The following CSMD3 variants were observed in gnomAD, a reference collection of about 807,000 sequenced individuals.
The protein encoded by CSMD3 is CUB and sushi domain-containing protein 3.
CSMD3 carries 177 observed loss-of-function variants against 435.2 expected under a neutral mutation model. The ratio of observed to expected loss-of-function variants is 0.41; its 90% confidence interval spans 0.36 to 0.46. The LOEUF (loss-of-function observed/expected upper bound fraction) is 0.46. CSMD3 is among the 20% of genes least tolerant of loss of function. The pLI, the probability that CSMD3 is intolerant of heterozygous loss-of-function variation, is 0.34. For synonymous variants in CSMD3, 1,656 were observed against 1,520.5 expected (o/e 1.09, Z -2.07); for missense variants, 4,265 against 4,504.6 (o/e 0.95, Z 1.52).
chr8:112,747,277 T>G (rs1028514263), intron 13 of CSMD3, among the ~76,000 whole-genome samples: 1 of 141,758 alleles, frequency 7.1e-6, no homozygotes, highest in Non-Finnish European at 1.5e-5. Flanking sequence ...AGTTCAAATT[T>G]CAATATACTT....
intron 3 of CSMD3, among the ~76,000 whole-genome samples, chr8:113,196,056 G>A (rs530772003): frequency 7.3e-5 from 11 of 150,656 alleles, no homozygotes; most frequent in South Asian, 4.2e-4. Context: ...AATATTGGGC[G>A]GAAACTTCAG....
At chr8:113,193,060 A>G (rs943517265) in intron 3 of CSMD3, among the ~76,000 whole-genome samples, 2 of 151,502 alleles carry the variant, frequency 1.3e-5, no homozygotes, top group African/African-American at 4.8e-5. Flanking sequence ...AAAGTAAAAG[A>G]ATTCTCCATC....
chr8:112,415,402 T>C (rs1427274985), intron 32 of CSMD3, among the ~76,000 whole-genome samples: 1 of 152,202 alleles, frequency 6.6e-6, no homozygotes, highest in Non-Finnish European at 1.5e-5. Flanking sequence ...TGGGAACCTC[T>C]ACCTAGATTT....
chr8:112,662,720 A>G (rs2075417033), intron 17 of CSMD3, among the ~76,000 whole-genome samples: 1 of 152,180 alleles, frequency 6.6e-6, no homozygotes, highest in African/African-American at 2.4e-5. Flanking sequence ...AGAAACTACA[A>G]TCAGAGTGAA....
intron 9 of CSMD3, among the ~76,000 whole-genome samples, chr8:112,942,792 T>C (rs748779105): frequency 6.6e-6 from 1 of 151,722 alleles, no homozygotes; most frequent in Non-Finnish European, 1.5e-5. Flanking sequence ...CAAAAAATAA[T>C]CTGTACACCT....
At chr8:112,832,063 A>T (rs2132490382) in intron 11 of CSMD3, among the ~76,000 whole-genome samples, 1 of 152,264 alleles carries the variant, frequency 6.6e-6, no homozygotes, top group African/African-American at 2.4e-5. Flanking sequence ...GGACTTACTT[A>T]TCTACTCATA....
At chr8:113,420,803 G>A (rs928788816) in intron 1 of CSMD3, among the ~76,000 whole-genome samples, 1 of 151,868 alleles carries the variant, frequency 6.6e-6, no homozygotes, top group Non-Finnish European at 1.5e-5. Context: ...AAAAAAATTA[G>A]CAGGGCTTGG....
intron 4 of CSMD3, among the ~76,000 whole-genome samples, chr8:113,120,675 T>C (rs2090960743): frequency 6.6e-6 from 1 of 152,170 alleles, no homozygotes. Context: ...AGCTAATCAG[T>C]ATCCCAGCTG....
rs144345812 is a variant in CSMD3 at position 112,510,632 on chromosome 8, T to A, written c.4757-3803A>T. Among the ~76,000 whole-genome samples the A allele has an allele frequency of 3.6e-3, 543 of 152,284 alleles. 1 individual carries two copies. The highest frequency in any genetic ancestry group is 0.013 in the African/African-American group (520 of 41,558). ...TCTGTTGCTTCTCTTATTGTATTTG[T>A]TTTTAATATTCCACTCAGGTGTCAG... On this transcript the variant is annotated intron_variant, in intron 28 of 70. Coordinates refer to ENST00000297405, the MANE Select transcript of CSMD3 (RefSeq NM_198123.2).
At chr8:113,064,837 C>G (rs1367344296) in intron 5 of CSMD3, among the ~76,000 whole-genome samples, 1 of 152,098 alleles carries the variant, frequency 6.6e-6, no homozygotes, top group Non-Finnish European at 1.5e-5. Flanking sequence ...TGAAGCCATT[C>G]TGTCTCTGAA....
chr8:112,377,179 A>G (rs1829023039), intron 38 of CSMD3, among the ~76,000 whole-genome samples: 1 of 152,078 alleles, frequency 6.6e-6, no homozygotes, highest in African/African-American at 2.4e-5. Flanking sequence ...AGGCATTACA[A>G]TTGATGTCAC....
In CSMD3 at chr8:112,960,543, A is replaced by C. The variant is rs564696737; in HGVS notation, c.1343-5782T>G. On this transcript the variant is annotated intron_variant, in intron 7 of 70. Coordinates refer to ENST00000297405, the MANE Select transcript of CSMD3 (RefSeq NM_198123.2). ...TAGAAAACTCAGTGACATAATGTTA[A>C]GTAGCTCATGAATCTTTGTGAAAAA... Among the ~76,000 whole-genome samples, 3 of 151,922 alleles carry C rather than the reference A, an allele frequency of 2.0e-5. No individual in the cohort carries two copies. The South Asian group carries it at 6.2e-4, about 31-fold the overall frequency.
intron 1 of CSMD3, among the ~76,000 whole-genome samples, chr8:113,411,525 A>T (rs755296784): frequency 6.6e-6 from 1 of 152,206 alleles, no homozygotes; most frequent in Non-Finnish European, 1.5e-5. Context: ...GGTTATGATG[A>T]CATTCTTTCA....
chr8:112,320,637 C>G (rs1340915847), intron 45 of CSMD3, among the ~76,000 whole-genome samples: 1 of 138,320 alleles, frequency 7.2e-6, no homozygotes, highest in African/African-American at 2.6e-5. Context: ...TATCCCTCCC[C>G]CCTCCCCTCC....
At position 112,794,285 on chromosome 8, in the gene CSMD3, CTTTT is replaced by C. The variant is rs1203991072; in HGVS notation, c.1972+5873_1972+5876del. Among the ~76,000 whole-genome samples the C allele has an allele frequency of 8.3e-5, 8 of 96,344 alleles. No individual in the cohort carries two copies. In the South Asian group the frequency reaches 1.6e-3, roughly 19 times the overall value. The allele number at this position is 96,344 out of a possible 152,430, so 63.2% of individuals were successfully genotyped here. A position where few individuals can be genotyped will look rare whatever the true frequency, so the allele number is the denominator to read the frequency against. ...TTGCCCCAGATGCTGGACTGATAAA[CTTTT>C]TTTTTTTTTTTTTTTTTTTTTTGAG... On this transcript the variant is annotated intron_variant, in intron 13 of 70. Coordinates refer to ENST00000297405, the MANE Select transcript of CSMD3 (RefSeq NM_198123.2).
At chr8:113,243,023 A>G (rs2093236491) in intron 3 of CSMD3, among the ~76,000 whole-genome samples, 1 of 151,906 alleles carries the variant, frequency 6.6e-6, no homozygotes, top group Non-Finnish European at 1.5e-5. Context: ...AAACCTGACA[A>G]TAGTTCTGCA....
Position 112,405,212 on chromosome 8 carries a change from C to CAAAAA in CSMD3, c.5809+1311_5809+1312insTTTTT, listed in dbSNP as rs1563904189. Among the ~76,000 whole-genome samples, 12 of 33,096 alleles carry CAAAAA rather than the reference C, an allele frequency of 3.6e-4. 5 individuals are homozygous for CAAAAA. The highest frequency in any genetic ancestry group is 5.6e-4 in the Non-Finnish European group (11 of 19,794). 21.7% of individuals were successfully genotyped at this position (33,096 alleles called of 152,430 possible). ...AAAAAAAAAAAAAAAAAAAAAAACC[C>CAAAAA]CCATATATATATATATATATATATA... On this transcript the variant is annotated intron_variant, in intron 35 of 70. Coordinates refer to ENST00000297405, the MANE Select transcript of CSMD3 (RefSeq NM_198123.2).
At chr8:112,973,412 T>C (rs1451569877) in intron 7 of CSMD3, among the ~76,000 whole-genome samples, 3 of 151,914 alleles carry the variant, frequency 2.0e-5, no homozygotes, top group Non-Finnish European at 4.4e-5. Flanking sequence ...TTACAAAATC[T>C]ATCTTGTACC....
intron 16 of CSMD3, among the ~76,000 whole-genome samples, chr8:112,679,088 T>TTG (rs576996337): frequency 0.33 from 47,504 of 145,528 alleles, 8,533 homozygotes; most frequent in African/African-American, 0.49. Flanking sequence ...GGGGCAGGTT[T>TTG]TTTTTTTTTT....
Sources: allele counts gnomAD v4.1 joint callset (sites outside exome capture counted in the v4.1 genomes callset), GRCh38; gene constraint gnomAD v4.1.1; transcripts MANE v1.5; gene names NCBI Gene and HGNC (gene_info 2026-07-23, HGNC 2026-07-21).